The following SUN1 variants were observed in gnomAD, a reference collection of about 807,000 sequenced individuals.
SUN1 encodes SUN domain-containing protein 1.
In SUN1, 61 loss-of-function variants were observed where a neutral mutation model predicts 103.2. That is an observed-to-expected ratio of 0.59 (90% CI 0.48 to 0.73). The LOEUF (loss-of-function observed/expected upper bound fraction) is 0.73. Among genes scored for constraint, SUN1 ranks in the 30% least tolerant of loss-of-function variants. SUN1 has a pLI of 0.00. For synonymous variants in SUN1, 490 were observed against 425.7 expected (o/e 1.15, Z -1.86); for missense variants, 1,052 against 1,034.6 (o/e 1.02, Z -0.23).
At chr7:830,950 A>G, upstream of SUN1, 1 of 985,576 alleles carries the variant, frequency 1.0e-6, no homozygotes, top group Non-Finnish European at 1.2e-6. Context: ...TGCGCACCTC[A>G]GGAGCCCAGG....
At chr7:860,015 T>C in intron 13 of SUN1, 113 bp from the exon 14 acceptor site, 1 of 1,334,536 alleles carries the variant, frequency 7.5e-7, no homozygotes, top group Non-Finnish European at 1.0e-6. Flanking sequence ...ACAATGACAT[T>C]CTAGATTTTG....
At chr7:871,532 C>T (rs181257205) in intron 17 of SUN1, among the ~76,000 whole-genome samples, 21 of 152,298 alleles carry the variant, frequency 1.4e-4, no homozygotes, top group East Asian at 7.7e-4. Context: ...GGACCACAGG[C>T]GCCCGCCACC....
At chr7:843,857 T>C (rs1037088027) in intron 5 of SUN1, 1 of 1,334,978 alleles carries the variant, frequency 7.5e-7, no homozygotes, top group African/African-American at 1.5e-5. Flanking sequence ...TGTTCACACA[T>C]ACTGAAGGAG....
In SUN1 at chr7:832,602, G is replaced by A. The variant is rs1798962063; in HGVS notation, c.77+1G>A. 1.2e-6 allele frequency: 2 copies of A among 1,610,500 alleles called. No individual in the cohort carries two copies. The highest frequency in any genetic ancestry group is 1.7e-5 in the Admixed American group (1 of 59,588). On this transcript the variant is annotated splice_donor_variant, in intron 1 of 18. Transcript: ENST00000401592. LOFTEE classifies it high-confidence loss of function. ...ACACGGGCTACACGTATGCGCTCAGGTGAGTGTGCACCTGCACGTGGGGTC... is the reference window on the plus strand; with the variant it reads ...ACACGGGCTACACGTATGCGCTCAGATGAGTGTGCACCTGCACGTGGGGTC...
intron 5 of SUN1, among the ~76,000 whole-genome samples, chr7:846,640 C>T (rs924932219): frequency 5.3e-5 from 8 of 151,814 alleles, no homozygotes; most frequent in South Asian, 4.2e-4. Flanking sequence ...TTGTGGGAGG[C>T]GGAGGTGGGA....
chr7:817,609 G>C, intron 1 of SUN1: 1 of 1,314,410 alleles, frequency 7.6e-7, no homozygotes, highest in South Asian at 1.4e-5. Flanking sequence ...CTAAGCTTCA[G>C]TCATAGTATT....
chr7:855,221 C>T (rs949559030), intron 11 of SUN1, among the ~76,000 whole-genome samples: 3 of 152,196 alleles, frequency 2.0e-5, no homozygotes, highest in Admixed American at 6.5e-5. Flanking sequence ...CCGTGTCTCT[C>T]GAGGGCACAG....
chr7:823,101 C>G (rs894633182), intron 1 of SUN1, among the ~76,000 whole-genome samples: 5 of 152,238 alleles, frequency 3.3e-5, no homozygotes, highest in Non-Finnish European at 7.3e-5. Context: ...GGATTGTCAG[C>G]TTAGTGGCAA....
intron 15 of SUN1, among the ~76,000 whole-genome samples, chr7:865,395 G>A (rs1355371179): frequency 2.0e-5 from 3 of 152,220 alleles, no homozygotes; most frequent in African/African-American, 7.2e-5. Flanking sequence ...ACAAGCGTGA[G>A]CCACTGCACC....
Position 843,189 on chromosome 7 carries a change from TG to T in SUN1, c.452-16del. On this transcript the variant is annotated splice_polypyrimidine_tract_variant and intron_variant, in intron 3 of 18. Transcript: ENST00000401592. ...TCAACAGCAAAAATGTGTGTGTGTGTGTGTTTTTTTTTTTAGGTCTTGATGA... is the reference window on the plus strand; with the variant it reads ...TCAACAGCAAAAATGTGTGTGTGTGTTGTTTTTTTTTTTAGGTCTTGATGA... The T allele has an allele frequency of 6.3e-7, 1 of 1,583,632 alleles. No individual in the cohort carries two copies. Among genetic ancestry groups the T allele is most frequent in the African/African-American group, 1.5e-5 (1 of 66,686 alleles).
rs1178872949 is a variant in SUN1 at position 852,595 on chromosome 7, A to G, written c.852-14A>G. The G allele has an allele frequency of 6.2e-7, 1 of 1,614,158 alleles. No individual in the cohort carries two copies. ...CATTTTTTCTAAGTCAAAGGTTTTC[A>G]TTGTTACTCCCAGGTGCCTTCGAAA... On this transcript the variant is annotated splice_polypyrimidine_tract_variant and intron_variant, in intron 7 of 18. Coordinates refer to ENST00000401592, the MANE Select transcript of SUN1 (RefSeq NM_001130965.3).
rs771316032 is a variant in SUN1 at position 849,882 on chromosome 7, T to G, written c.659-1502T>G. 5 of 1,566,164 alleles carry G rather than the reference T, an allele frequency of 3.2e-6. No individual in the cohort carries two copies. In the South Asian group the frequency reaches 5.7e-5, roughly 18 times the overall value. ...ACGGCTGAGATGGACAGAGTTTGCT[T>G]GTGAATCCGCCACACTCACTGCCTG... is the stretch of plus-strand genomic sequence containing the variant. On this transcript the variant is annotated intron_variant, in intron 5 of 18. Transcript: ENST00000401592.
intron 15 of SUN1, among the ~76,000 whole-genome samples, chr7:861,997 T>G (rs2128470029): frequency 6.6e-6 from 1 of 152,236 alleles, no homozygotes; most frequent in Non-Finnish European, 1.5e-5. Flanking sequence ...AAAATCAGCA[T>G]CGCAGCTGAG....
rs1806198867 is a variant in SUN1 at position 838,918 on chromosome 7, G to C, written c.198G>C (p.Gly66=). 6 of 1,611,322 alleles carry C rather than the reference G, an allele frequency of 3.7e-6. No homozygotes were observed. In the East Asian group the frequency reaches 1.1e-4, roughly 30 times the overall value. ...LRLATTACTL[G]DGEAVGADSG... Reference sequence around the variant, plus strand: ...TGGCCACGACAGCATGCACCCTGGGGGATGGTGAGGCTGTGGGTGCCGACA... The same window carrying C: ...TGGCCACGACAGCATGCACCCTGGGCGATGGTGAGGCTGTGGGTGCCGACA... Residue 66 remains glycine (G), a synonymous_variant, in exon 2 of 19, where the codon GGG becomes GGC. Transcript: ENST00000401592.
intron 5 of SUN1, among the ~76,000 whole-genome samples, chr7:846,060 T>C (rs1413442535): frequency 6.6e-6 from 1 of 152,202 alleles, no homozygotes; most frequent in African/African-American, 2.4e-5. Flanking sequence ...TCATTTTGTA[T>C]GTTAATTGAG....
chr7:835,695 C>A (rs1003978628), intron 1 of SUN1, among the ~76,000 whole-genome samples: 2 of 152,224 alleles, frequency 1.3e-5, no homozygotes, highest in Admixed American at 6.5e-5. Context: ...TCTGTGCTGT[C>A]TGACGTGTCT....
Position 870,887 on chromosome 7 carries a change from C to CT in SUN1, c.2148+1391dup, listed in dbSNP as rs59711259. Among the ~76,000 whole-genome samples the CT allele has an allele frequency of 2.8e-3, 286 of 101,014 alleles. 1 individual carries two copies. The highest frequency in any genetic ancestry group is 0.019 in the East Asian group (63 of 3,306). 66.3% of individuals were successfully genotyped at this position (101,014 alleles called of 152,430 possible). ...CTAGCATTTTCTTTTTATTTTCTTT[C>CT]TTTTTTTTTTTTTTTTTTTTGAGAC... On this transcript the variant is annotated intron_variant, in intron 17 of 18. Transcript: ENST00000401592.
intron 9 of SUN1, 185 bp downstream of exon 9, chr7:853,137 T>A: frequency 1.2e-6 from 1 of 806,862 alleles, no homozygotes; most frequent in Non-Finnish European, 1.9e-6. Flanking sequence ...ACATTTAAAG[T>A]ACTCTCATGA....
chr7:849,536 T>G, intron 5 of SUN1: 2 of 1,384,706 alleles, frequency 1.4e-6, no homozygotes, highest in Non-Finnish European at 1.9e-6. Context: ...CCAGTTACTA[T>G]GGGAGAATGA....
Sources: allele counts gnomAD v4.1 joint callset (sites outside exome capture counted in the v4.1 genomes callset), GRCh38; gene constraint gnomAD v4.1.1; transcripts MANE v1.5; gene names NCBI Gene and HGNC (gene_info 2026-07-23, HGNC 2026-07-21).